POLK: variants seen among roughly 807,000 people sequenced by gnomAD.
POLK encodes the protein DNA polymerase kappa.
Under a neutral mutation model 94.0 loss-of-function variants are expected in POLK, and 76 were observed. The ratio of observed to expected loss-of-function variants is 0.81; its 90% CI spans 0.67 to 0.98. The LOEUF is 0.98. Ranked by LOEUF, POLK falls within the 50% of genes least tolerant of loss-of-function variation. POLK has a pLI of 0.00. For missense variants in POLK, 954 were observed against 1,010.1 expected (o/e 0.94, Z 0.75); for synonymous variants, 349 against 325.4 (o/e 1.07, Z -0.78).
intron 3 of POLK, among the ~76,000 whole-genome samples, chr5:75,566,026 G>A (rs1561378455): frequency 6.6e-6 from 1 of 152,244 alleles, no homozygotes; most frequent in Non-Finnish European, 1.5e-5. Flanking sequence ...ATAAGCCCCT[G>A]ACTGGGGTTG....
chr5:75,576,684 G>T, intron 5 of POLK, 96 bp from the exon 6 acceptor site: 1 of 523,822 alleles, frequency 1.9e-6, no homozygotes, highest in South Asian at 5.5e-5. Flanking sequence ...TACTGTAGTT[G>T]CAAACTAAGA....
At chr5:75,574,728 G>GT (rs924097709) in intron 5 of POLK, among the ~76,000 whole-genome samples, 9 of 151,722 alleles carry the variant, frequency 5.9e-5, no homozygotes, top group African/African-American at 1.7e-4. Context: ...AGGTTTGTTT[G>GT]TTTTTTTTCT....
chr5:75,540,545 C>T (rs1769683687), intron 1 of POLK, among the ~76,000 whole-genome samples: 1 of 152,090 alleles, frequency 6.6e-6, no homozygotes, highest in African/African-American at 2.4e-5. Context: ...ATGATCCTTC[C>T]ATCTTGGCCT....
At chr5:75,535,063 T>G (rs1769377586) in intron 1 of POLK, 1 of 152,264 alleles carries the variant, frequency 6.6e-6, no homozygotes, top group Non-Finnish European at 1.5e-5. Context: ...CTGGTCTGTG[T>G]AGTTAAATGT....
chr5:75,597,123 A>G, exon 13 of POLK: 4 of 1,612,062 alleles, frequency 2.5e-6, no homozygotes, highest in Non-Finnish European at 3.4e-6. Context: ...TCCAAGAATT[A>G]AGAAAGGATA....
At chr5:75,538,532 AC>A (rs1290319738) in intron 1 of POLK, 1 of 152,112 alleles carries the variant, frequency 6.6e-6, no homozygotes, top group African/African-American at 2.4e-5. Context: ...CTAAATACAA[AC>A]CAAGTTATAG....
chr5:75,581,471 CCA>C lies in POLK; in HGVS notation c.934+25_934+26del. 3 of 1,595,582 alleles carry C rather than the reference CCA, an allele frequency of 1.9e-6. No individual in the cohort carries two copies. In the East Asian group the frequency reaches 6.7e-5, roughly 36 times the overall value. On this transcript the variant is annotated intron_variant, in intron 7 of 14. Transcript: ENST00000241436. Reference sequence around the variant, plus strand: ...CAGGTATTTAAAAGAGTATTGATGGCCACTGTAGTTATAATTTTCAGACTGGC... The same window carrying C: ...CAGGTATTTAAAAGAGTATTGATGGCCTGTAGTTATAATTTTCAGACTGGC...
exon 10 of POLK, chr5:75,587,044 T>C (rs773291194): frequency 6.5e-7 from 1 of 1,549,828 alleles, no homozygotes; most frequent in South Asian, 1.2e-5. Context: ...AGAGGAAAAG[T>C]ATGAGCGTTG....
chr5:75,570,706 T>C (rs1309541460), intron 4 of POLK, among the ~76,000 whole-genome samples: 1 of 152,176 alleles, frequency 6.6e-6, no homozygotes, highest in African/African-American at 2.4e-5. Flanking sequence ...TGTTGGAAAT[T>C]AAAAGTAGCA....
exon 4 of POLK, chr5:75,569,475 G>A: frequency 6.2e-7 from 1 of 1,611,734 alleles, no homozygotes; most frequent in African/African-American, 1.3e-5. Context: ...CATTGCTGTA[G>A]GATCAATGAG....
At chr5:75,528,105 T>C (rs1768961706) in intron 1 of POLK, among the ~76,000 whole-genome samples, 1 of 152,176 alleles carries the variant, frequency 6.6e-6, no homozygotes, top group Non-Finnish European at 1.5e-5. Flanking sequence ...TTTCCCTTCA[T>C]ACAGTTTTAA....
exon 15 of POLK, chr5:75,598,222 A>G: frequency 3.3e-6 from 1 of 303,228 alleles, no homozygotes; most frequent in African/African-American, 2.2e-5. Flanking sequence ...CTTCCATTAT[A>G]CATCAATTGG....
chr5:75,511,940 T>G, intron 1 of POLK, 26 bp downstream of exon 1: 1 of 996,488 alleles, frequency 1.0e-6, no homozygotes, highest in South Asian at 1.6e-5. Context: ...GGGGATCGCT[T>G]GTCCCCTTGG....
the POLK span, chr5:75,609,395 C>A: frequency 5.9e-5 from 9 of 152,148 alleles, no homozygotes; most frequent in East Asian, 1.7e-3. Flanking sequence ...TCCCAAGTAG[C>A]TGGGACTACA....
rs770796931 is a variant in POLK at position 75,598,147 on chromosome 5, A to T, written c.*129A>T. The T allele has an allele frequency of 2.5e-4, 116 of 468,696 alleles. No individual in the cohort carries two copies. In the Middle Eastern group the frequency reaches 3.5e-3, roughly 14 times the overall value. The allele number at this position is 468,696 out of a possible 1,614,324, so 29.0% of individuals were successfully genotyped here. On this transcript the variant is annotated 3_prime_UTR_variant, in exon 15 of 15. Transcript: ENST00000241436. ...AAGTGCAATAATCCTTCCTCAGATGATGTTTGCTTTTCTAAGATACATATA... is the reference window on the plus strand; with the variant it reads ...AAGTGCAATAATCCTTCCTCAGATGTTGTTTGCTTTTCTAAGATACATATA...
Position 75,583,553 on chromosome 5 carries a change from G to A in POLK, c.1059+136G>A, listed in dbSNP as rs1286628264. On this transcript the variant is annotated intron_variant, in intron 8 of 14. Transcript: ENST00000241436. ...AAAGCAAGAACTATAATGGATGATT[G>A]AATTTGGACTTGAAGAAACCTTTCT... 1.6e-5 allele frequency: 7 copies of A among 446,468 alleles called. No individual in the cohort carries two copies. In the East Asian group the frequency reaches 2.5e-4, roughly 16 times the overall value. 27.7% of individuals were successfully genotyped at this position (446,468 alleles called of 1,614,324 possible).
rs1007360408 is a variant in POLK at position 75,567,041 on chromosome 5, T to C, written c.256-2299T>C. Among the ~76,000 whole-genome samples, 9 of 152,288 alleles carry C rather than the reference T, an allele frequency of 5.9e-5. No homozygotes were observed. The East Asian group carries it at 1.5e-3, about 26-fold the overall frequency. On this transcript the variant is annotated intron_variant, in intron 3 of 14. Coordinates refer to ENST00000241436, the Ensembl canonical transcript of POLK. Reference sequence around the variant, plus strand: ...TCAGACAAGGGTGACTAATGAGAGATAGTAAAGGAAAGTGGAATGTATGAG... The same window carrying C: ...TCAGACAAGGGTGACTAATGAGAGACAGTAAAGGAAAGTGGAATGTATGAG...
chr5:75,518,982 C>A (rs909714155), intron 1 of POLK, among the ~76,000 whole-genome samples: 11 of 152,200 alleles, frequency 7.2e-5, no homozygotes, highest in East Asian at 3.9e-4. Flanking sequence ...GTAGCTAGGA[C>A]AATAGGCATA....
chr5:75,552,941 C>A (rs940254082), intron 3 of POLK, among the ~76,000 whole-genome samples: 1 of 151,868 alleles, frequency 6.6e-6, no homozygotes, highest in Non-Finnish European at 1.5e-5. Flanking sequence ...GAAAAGGCCA[C>A]GGGATAAATG....
Sources: gnomAD v4.1 joint callset for allele counts (sites outside exome capture counted in the v4.1 genomes callset) on GRCh38, gnomAD v4.1.1 for gene constraint, MANE v1.5 for transcripts, NCBI Gene and HGNC (gene_info 2026-07-23, HGNC 2026-07-21) for gene names.